RUFY1: variants seen among roughly 807,000 people sequenced by gnomAD.
RUFY1 encodes the protein RUN and FYVE domain-containing protein 1.
A neutral mutation model predicts 94.6 loss-of-function variants in RUFY1; 54 were observed. The observed-to-expected ratio is 0.57, with a 90% CI of 0.46 to 0.72. The LOEUF is 0.72. Ranked by LOEUF, RUFY1 falls within the 30% of genes least tolerant of loss-of-function variation. RUFY1 has a pLI of 0.00. For synonymous variants in RUFY1, 396 were observed against 347.3 expected (o/e 1.14, Z -1.56); for missense variants, 883 against 883.9 (o/e 1.00, Z 0.01).
chr5:179,556,780 G>A (rs1274467579), intron 1 of RUFY1, among the ~76,000 whole-genome samples: 7 of 152,142 alleles, frequency 4.6e-5, no homozygotes, highest in African/African-American at 7.2e-5. Context: ...GATTACAGGC[G>A]TGAGCCACCA....
intron 1 of RUFY1, among the ~76,000 whole-genome samples, chr5:179,557,822 A>C (rs1009706253): frequency 6.6e-6 from 1 of 152,088 alleles, no homozygotes; most frequent in African/African-American, 2.4e-5. Context: ...TTAACTGAAT[A>C]CCATAAAGCA....
chr5:179,586,257 A>G, intron 8 of RUFY1: 1 of 453,046 alleles, frequency 2.2e-6, no homozygotes, highest in South Asian at 1.6e-5. Flanking sequence ...TATCCAGCCC[A>G]CCCCTTCTGC....
chr5:179,600,673 T>C (rs992717217), intron 14 of RUFY1, among the ~76,000 whole-genome samples: 5 of 146,650 alleles, frequency 3.4e-5, no homozygotes, highest in Admixed American at 6.8e-5. Flanking sequence ...TCATTTGTCC[T>C]ATGATGGTAA....
At chr5:179,574,220 C>T (rs1283819149) in intron 5 of RUFY1, among the ~76,000 whole-genome samples, 1 of 151,864 alleles carries the variant, frequency 6.6e-6, no homozygotes, top group African/African-American at 2.4e-5. Flanking sequence ...CATGGTGAAA[C>T]CTGGTCTCTA....
intron 1 of RUFY1, among the ~76,000 whole-genome samples, chr5:179,557,791 C>T (rs537375564): frequency 1.3e-5 from 2 of 152,064 alleles, no homozygotes; most frequent in East Asian, 3.9e-4. Context: ...TAGAGACCAC[C>T]CCTCTGCCCC....
chr5:179,578,973 C>T (rs1763873607), intron 6 of RUFY1, among the ~76,000 whole-genome samples: 2 of 152,210 alleles, frequency 1.3e-5, no homozygotes, highest in Non-Finnish European at 2.9e-5. Context: ...AAAGGATATG[C>T]ATACATATGT....
intron 4 of RUFY1, chr5:179,568,983 A>G: frequency 1.0e-6 from 1 of 953,472 alleles, no homozygotes; most frequent in South Asian, 4.8e-5. Flanking sequence ...TCAACACAGA[A>G]CAGGAGCCAG....
chr5:179,602,566 G>C (rs1382596733), intron 15 of RUFY1: 1 of 152,538 alleles, frequency 6.6e-6, no homozygotes, highest in Non-Finnish European at 1.5e-5. Context: ...CCTTGGGGTG[G>C]ATCACACTGC....
At chr5:179,577,308 A>C (rs1763699838) in intron 6 of RUFY1, among the ~76,000 whole-genome samples, 172 bp downstream of exon 6, 1 of 150,688 alleles carries the variant, frequency 6.6e-6, no homozygotes, top group Admixed American at 6.6e-5. Flanking sequence ...AGTAGCTGGG[A>C]CTACAGGTGC....
chr5:179,552,111 G>A (rs1761886406), intron 1 of RUFY1, among the ~76,000 whole-genome samples: 1 of 130,406 alleles, frequency 7.7e-6, no homozygotes, highest in South Asian at 2.6e-4. Context: ...GTTGCAGTGA[G>A]CCGAGATCGC....
At chr5:179,580,827 G>A in intron 6 of RUFY1, 120 bp from the exon 7 acceptor site, 1 of 600,908 alleles carries the variant, frequency 1.7e-6, no homozygotes, top group South Asian at 2.2e-5. Flanking sequence ...AGCTCTGGCT[G>A]TCTCTTGGTT....
chr5:179,597,044 G>A (rs1456097865), intron 13 of RUFY1: 1 of 221,094 alleles, frequency 4.5e-6, no homozygotes, highest in African/African-American at 2.3e-5. Context: ...ATATAATTTT[G>A]TGCACAGTTC....
chr5:179,560,389 G>A lies in RUFY1; in HGVS notation c.484+191G>A, dbSNP rs542719371. 2.0e-5 allele frequency among the ~76,000 whole-genome samples: 3 copies of A among 152,284 alleles called. No homozygotes were observed. In the South Asian group the frequency reaches 6.2e-4, roughly 32 times the overall value. On this transcript the variant is annotated intron_variant, in intron 2 of 17. Transcript: ENST00000319449. ...TAGAAATAGCATGCAAGCTATATAG[G>A]CAATTTTAAAGTTTCTGGTAGCCAG...
chr5:179,589,612 GAATT>G lies in RUFY1; in HGVS notation c.1098_1101del (p.Leu366PhefsTer9). The G allele has an allele frequency of 6.2e-7, 1 of 1,614,040 alleles. No individual in the cohort carries two copies. Among genetic ancestry groups the G allele is most frequent in the Non-Finnish European group, 8.5e-7 (1 of 1,179,908 alleles). On this transcript the variant is annotated frameshift_variant, in exon 9 of 18. Transcript: ENST00000319449. LOFTEE classifies it high-confidence loss of function. ...ACAGCAGCAGTTAAGAGAACAAAAT[GAATT>G]AATTCGAGAAAGAAGTGAAAAGAGT...
At position 179,589,540 on chromosome 5, in the gene RUFY1, A is replaced by T. The variant is rs749460656; in HGVS notation, c.1027-6A>T. On this transcript the variant is annotated splice_polypyrimidine_tract_variant and splice_region_variant and intron_variant, in intron 8 of 17. Coordinates refer to ENST00000319449, the MANE Select transcript of RUFY1 (RefSeq NM_025158.5). ...GTTAAGAACTGTAAAAATTTTCCTT[A>T]ATCAGCTTTCAGCTGCAACAGACCG... is the stretch of plus-strand genomic sequence containing the variant. The T allele has an allele frequency of 1.2e-6, 2 of 1,606,830 alleles. No homozygotes were observed. The highest frequency in any genetic ancestry group is 1.7e-5 in the Admixed American group (1 of 59,806).
At chr5:179,577,850 T>C (rs956878296) in intron 6 of RUFY1, among the ~76,000 whole-genome samples, 8 of 90,034 alleles carry the variant, frequency 8.9e-5, no homozygotes, top group Non-Finnish European at 1.3e-4. Flanking sequence ...ATGAGGCTCT[T>C]CTCTGCAGCA....
At chr5:179,578,771 AG>A (rs1763859564) in intron 6 of RUFY1, among the ~76,000 whole-genome samples, 1 of 151,678 alleles carries the variant, frequency 6.6e-6, no homozygotes, top group Non-Finnish European at 1.5e-5. Context: ...AACCTTCCTG[AG>A]TAGCTGGGAT....
intron 1 of RUFY1, chr5:179,555,803 ATT>A (rs11382569): frequency 0.045 from 10,736 of 240,854 alleles, 1 homozygote; most frequent in South Asian, 0.065. Flanking sequence ...AATTTTTTGG[ATT>A]TTTTTTTTTT....
At chr5:179,553,584 G>T (rs1761963000) in intron 1 of RUFY1, among the ~76,000 whole-genome samples, 1 of 151,784 alleles carries the variant, frequency 6.6e-6, no homozygotes, top group South Asian at 2.1e-4. Flanking sequence ...AGGAGTTCGA[G>T]ACCAACCTGG....
Sources: allele counts gnomAD v4.1 joint callset (sites outside exome capture counted in the v4.1 genomes callset), GRCh38; gene constraint gnomAD v4.1.1; transcripts MANE v1.5; gene names NCBI Gene and HGNC (gene_info 2026-07-23, HGNC 2026-07-21).